Variants in MACF1 observed in about 807,000 individuals in gnomAD.
MACF1 encodes microtubule actin crosslinking factor 1, also known as microtubule-actin cross-linking factor 1.
Under a neutral mutation model 854.8 loss-of-function variants are expected in MACF1, and 193 were observed. The observed-to-expected ratio is 0.23, with a 90% CI of 0.20 to 0.25. MACF1 has a LOEUF of 0.25. MACF1 is among the 10% of genes least tolerant of loss of function. The pLI, the probability that MACF1 is intolerant of heterozygous loss-of-function variation, is 1.00. For missense variants in MACF1, 7,722 were observed against 8,929.1 expected (o/e 0.86, Z 5.45); for synonymous variants, 3,185 against 3,226.7 (o/e 0.99, Z 0.44).
At position 39,340,545 on chromosome 1, in the gene MACF1, A is replaced by G; in HGVS notation, c.10259A>G (p.Gln3420Arg). The G allele has an allele frequency of 6.2e-7, 1 of 1,614,114 alleles. No individual in the cohort carries two copies. Among genetic ancestry groups the G allele is most frequent in the Non-Finnish European group, 8.5e-7 (1 of 1,180,036 alleles). ...AAGGATCTGACCACCTTGGTCAGTC[A>G]GGAGCTGGAGTGTGTGAATCAGATT... is the stretch of plus-strand genomic sequence containing the variant. ...ELKDLTTLVSQELECVNQIII... is the reference protein window; with the variant it reads ...ELKDLTTLVSRELECVNQIII... Residue 3420 changes from glutamine to arginine, a missense_variant, in exon 39 of 101, where the codon CAG becomes CGG. Gln to Arg is a conservative substitution (Grantham distance 43). This residue lies in a region of MACF1 where 854 missense variants were observed against 852.6 expected (regional missense o/e 1.00). Coordinates refer to ENST00000564288, the MANE Select transcript of MACF1 (RefSeq NM_001394062.1).
chr1:39,397,588 A>G (rs919536878), intron 58 of MACF1, among the ~76,000 whole-genome samples: 1 of 151,966 alleles, frequency 6.6e-6, no homozygotes, highest in African/African-American at 2.4e-5. Context: ...GCTACTGACC[A>G]TCATAGCTCA....
chr1:39,260,722 A>AAAC lies in MACF1; in HGVS notation c.528+2712_528+2714dup, dbSNP rs552141164. Among the ~76,000 whole-genome samples, 88 of 152,068 alleles carry AAAC rather than the reference A, an allele frequency of 5.8e-4. 1 individual carries two copies. The South Asian group carries it at 0.013, about 22-fold the overall frequency. The stretch of plus-strand genomic sequence containing the variant: ...TAGGCAATACTTGTATTATCTCTAA[A>AAAC]AACAACAACAACAACAACAAACAAA... On this transcript the variant is annotated intron_variant, in intron 6 of 100. Transcript: ENST00000564288.
chr1:39,439,439 A>G lies in MACF1; in HGVS notation c.18386A>G (p.His6129Arg), dbSNP rs772841322. The G allele has an allele frequency of 4.3e-6, 7 of 1,614,092 alleles. No individual in the cohort carries two copies. The South Asian group carries it at 5.5e-5, about 13-fold the overall frequency. The stretch of plus-strand genomic sequence containing the variant: ...ATCAAAGACACCCAGGATATTGTCC[A>G]TGACTTGGAAAGCCCAGGCATTGAT... ...TTIKDTQDIV[H>R]DLESPGIDPS... is the part of the protein sequence containing the mutation. Residue 6129 changes from histidine (H) to arginine (R), a missense_variant, in exon 72 of 101, where the codon CAT (histidine) becomes CGT (arginine). His to Arg is a conservative substitution (Grantham distance 29, BLOSUM62 0). This residue lies in a region of MACF1 where 2,807 missense variants were observed against 3,235.8 expected (regional missense o/e 0.87). Coordinates refer to ENST00000564288, the MANE Select transcript of MACF1 (RefSeq NM_001394062.1).
chr1:39,331,364 C>T lies in MACF1; in HGVS notation c.4776C>T (p.Asn1592=), dbSNP rs376666991. The change falls in exon 37 of 101, where the codon AAC becomes AAT. Residue 1592 remains asparagine, a synonymous_variant. Transcript: ENST00000564288. ...TCATTGCCCCTGAGACGGGTGAAAA[C>T]CTCTCTTTGGAGGAGGGCATAGCCA... ...SGLIAPETGE[N]LSLEEGIARN... is the part of the protein sequence containing the mutation. 4.8e-5 allele frequency: 78 copies of T among 1,613,880 alleles called. No individual in the cohort carries two copies. Among genetic ancestry groups the T allele is most frequent in the Non-Finnish European group, 5.7e-5 (67 of 1,180,004 alleles).
chr1:39,304,212 G>A (rs892021323), intron 23 of MACF1: 28 of 189,864 alleles, frequency 1.5e-4, no homozygotes, highest in African/African-American at 7.7e-4. Flanking sequence ...GCCCCGGTGT[G>A]TGATGTTCCC....
At position 39,374,240 on chromosome 1, in the gene MACF1, TA is replaced by T. The variant is rs901564874; in HGVS notation, c.13213+1653del. On this transcript the variant is annotated intron_variant, in intron 52 of 100. Transcript: ENST00000564288. Reference sequence around the variant, plus strand: ...CTGTGCGACAGGGCGAGACTCTGTCTAAAAAAAAATAAATAAATAAACAAAA... The same window carrying T: ...CTGTGCGACAGGGCGAGACTCTGTCTAAAAAAAATAAATAAATAAACAAAA... Among the ~76,000 whole-genome samples the T allele has an allele frequency of 6.6e-5, 10 of 151,664 alleles. 1 individual carries two copies. Among genetic ancestry groups the T allele is most frequent in the Middle Eastern group, 6.8e-3 (2 of 292 alleles).
chr1:39,321,411 AT>A (rs910539346), intron 31 of MACF1, among the ~76,000 whole-genome samples: 1 of 152,108 alleles, frequency 6.6e-6, no homozygotes, highest in African/African-American at 2.4e-5. Flanking sequence ...TCTTACTACT[AT>A]TTTTTTATGG....
Position 39,429,297 on chromosome 1 carries a change from A to G in MACF1, c.16859A>G (p.Asn5620Ser). 6.3e-7 allele frequency: 1 copy of G among 1,589,414 alleles called. No individual in the cohort carries two copies. The highest frequency in any genetic ancestry group is 8.6e-7 in the Non-Finnish European group (1 of 1,157,850). The change falls in exon 64 of 101, where the codon AAT becomes AGT. Residue 5620 changes from asparagine to serine, a missense_variant. Physicochemically the swap from Asn to Ser is conservative, Grantham distance 46. Coordinates refer to ENST00000564288, the MANE Select transcript of MACF1 (RefSeq NM_001394062.1). ...AAGAATGTAGATCAAGCTATTAAAAATGGTCAGGCTCTTCTAAAACAAACC... is the reference window on the plus strand; with the variant it reads ...AAGAATGTAGATCAAGCTATTAAAAGTGGTCAGGCTCTTCTAAAACAAACC... Reference protein sequence around the residue: ...RKKNVDQAIKNGQALLKQTTG... With the variant: ...RKKNVDQAIKSGQALLKQTTG...
Position 39,437,767 on chromosome 1 carries a change from A to G in MACF1, c.17989-10A>G. The G allele has an allele frequency of 6.3e-7, 1 of 1,594,292 alleles. No homozygotes were observed. Among genetic ancestry groups the G allele is most frequent in the Non-Finnish European group, 8.6e-7 (1 of 1,161,928 alleles). Reference sequence around the variant, plus strand: ...TATGCTGTGATGGTAATGTTCCAACATTTGTTTAGTTTCATGATAAAATTG... The same window carrying G: ...TATGCTGTGATGGTAATGTTCCAACGTTTGTTTAGTTTCATGATAAAATTG... On this transcript the variant is annotated splice_polypyrimidine_tract_variant and intron_variant, in intron 70 of 100. Transcript: ENST00000564288.
Position 39,176,784 on chromosome 1 carries a change from G to C in MACF1, c.221-54398G>C, listed in dbSNP as rs548092732. ...AAGTCAAAGGATACTTGGGCCAAGT[G>C]ATATAACTAGTTATTGACAAGCTTA... On this transcript the variant is annotated intron_variant, in intron 2 of 93. Transcript: ENST00000361689. Among the ~76,000 whole-genome samples, 4 of 152,330 alleles carry C rather than the reference G, an allele frequency of 2.6e-5. No individual in the cohort carries two copies. The South Asian group carries it at 8.3e-4, about 32-fold the overall frequency.
At chr1:39,170,092 T>G (rs1461143186) in intron 2 of MACF1, among the ~76,000 whole-genome samples, 1 of 152,106 alleles carries the variant, frequency 6.6e-6, no homozygotes, top group African/African-American at 2.4e-5. Context: ...CTCCTTGCCC[T>G]TTAGTTCTCT....
Position 39,205,002 on chromosome 1 carries a change from G to A in MACF1, c.-21G>A, listed in dbSNP as rs1186765608. ...CTGAGCTTGTGGCTAACTCAAGGGAGGAGAAAGGACGGGCCTGGAAATGCC... is the reference window on the plus strand; with the variant it reads ...CTGAGCTTGTGGCTAACTCAAGGGAAGAGAAAGGACGGGCCTGGAAATGCC... On this transcript the variant is annotated 5_prime_UTR_variant, in exon 1 of 101. Coordinates refer to ENST00000564288, the MANE Select transcript of MACF1 (RefSeq NM_001394062.1). 4 of 702,926 alleles carry A rather than the reference G, an allele frequency of 5.7e-6. No homozygotes were observed. Among genetic ancestry groups the A allele is most frequent in the Middle Eastern group, 2.3e-4 (1 of 4,370 alleles). The allele number at this position is 702,926 out of a possible 1,614,324, so 43.5% of individuals were successfully genotyped here.
At chr1:39,372,345 A>G in intron 51 of MACF1, 134 bp from the exon 52 acceptor site, 1 of 592,078 alleles carries the variant, frequency 1.7e-6, no homozygotes, top group Admixed American at 2.9e-5. Flanking sequence ...GATATTTGAT[A>G]AATGAATAAA....
chr1:39,399,681 A>T (rs1569889348), intron 58 of MACF1, among the ~76,000 whole-genome samples: 1 of 152,066 alleles, frequency 6.6e-6, no homozygotes, highest in South Asian at 2.1e-4. Flanking sequence ...CCGGCCTTAT[A>T]AAGGCTTTTG....
intron 94 of MACF1, 137 bp from the exon 95 acceptor site, chr1:39,464,958 T>G (rs1570177044): frequency 2.5e-6 from 2 of 784,580 alleles, no homozygotes; most frequent in Non-Finnish European, 2.2e-6. Flanking sequence ...AGGAGCTTGG[T>G]AAGAATATGT....
intron 6 of MACF1, among the ~76,000 whole-genome samples, chr1:39,267,494 G>A (rs1412518961): frequency 3.3e-5 from 5 of 152,318 alleles, no homozygotes; most frequent in Admixed American, 3.3e-4. Context: ...GCCTTCTAGA[G>A]TACTAGGATT....
At chr1:39,145,679 G>C (rs929042813) in intron 2 of MACF1, among the ~76,000 whole-genome samples, 1 of 152,056 alleles carries the variant, frequency 6.6e-6, no homozygotes, top group African/African-American at 2.4e-5. Context: ...TTGTTCTCAC[G>C]CTGTTTCATC....
At chr1:39,469,701 C>T (rs1644740349) in intron 97 of MACF1, 86 bp downstream of exon 97, 4 of 1,041,458 alleles carry the variant, frequency 3.8e-6, no homozygotes, top group Non-Finnish European at 5.8e-6. Flanking sequence ...TCTCTTGGTT[C>T]TGTGTATCTG....
chr1:39,404,340 G>A (rs910672042), intron 58 of MACF1, among the ~76,000 whole-genome samples: 1 of 151,642 alleles, frequency 6.6e-6, no homozygotes, highest in African/African-American at 2.4e-5. Context: ...GCATGGTGGT[G>A]CACACCTGTC....
Sources: gnomAD v4.1 joint callset for allele counts (sites outside exome capture counted in the v4.1 genomes callset) on GRCh38, gnomAD v4.1.1 for gene constraint, gnomAD v4.1.1 regional missense constraint, MANE v1.5 for transcripts, NCBI Gene and HGNC (gene_info 2026-07-23, HGNC 2026-07-21) for gene names.